The following CYBC1 variants were observed in gnomAD, a reference collection of about 807,000 sequenced individuals.
CYBC1 encodes essential for reactive oxygen species protein.
CYBC1 carries 22 observed loss-of-function variants against 21.7 expected under a neutral mutation model. The observed-to-expected ratio is 1.02, with a 90% CI of 0.73 to 1.45. CYBC1 has a LOEUF of 1.45. Ranked by LOEUF, CYBC1 falls within the 40% of genes most tolerant of loss-of-function variation. CYBC1 has a pLI of 0.00. For missense variants in CYBC1, 237 were observed against 242.1 expected (o/e 0.98, Z 0.14); for synonymous variants, 112 against 98.7 (o/e 1.13, Z -0.80).
chr17:82,447,830 C>G (rs547093284), intron 2 of CYBC1: 1 of 620,622 alleles, frequency 1.6e-6, no homozygotes, highest in South Asian at 1.8e-5. Flanking sequence ...CGTAGTATCA[C>G]ACACTTGTAA....
chr17:82,446,821 T>C, intron 3 of CYBC1, 125 bp from the exon 4 acceptor site: 1 of 934,344 alleles, frequency 1.1e-6, no homozygotes, highest in Non-Finnish European at 1.7e-6. Flanking sequence ...CTGGGCAGCT[T>C]CCTGTGCTGC....
At position 82,442,878 on chromosome 17, in the gene CYBC1, T is replaced by G; in HGVS notation, c.*1126A>C. 5.4e-6 allele frequency: 2 copies of G among 368,310 alleles called. No homozygotes were observed. Among genetic ancestry groups the G allele is most frequent in the Non-Finnish European group, 5.0e-6 (1 of 201,810 alleles). 22.8% of individuals were successfully genotyped at this position (368,310 alleles called of 1,614,324 possible). On this transcript the variant is annotated 3_prime_UTR_variant, in exon 7 of 7. Coordinates refer to ENST00000306645, the MANE Select transcript of CYBC1 (RefSeq NM_001033046.4). The surrounding 1 kb of genome is among the most constrained non-coding windows in gnomAD (Gnocchi z 6.8). ...GGCCAGGGCATCAGGCCAGGCGCGC[T>G]CGGTGCACACCGCACCTGGGAGGAC...
intron 5 of CYBC1, 138 bp from the exon 6 acceptor site, chr17:82,444,729 G>C (rs942520010): frequency 4.3e-6 from 5 of 1,171,664 alleles, no homozygotes; most frequent in Non-Finnish European, 6.0e-6. Context: ...CCTGCCTGAG[G>C]CTGGGCCCCG....
rs1400859881 is a variant in CYBC1, at chr17:82,448,921, T to C, written c.85+249A>G. 5.9e-6 allele frequency: 3 copies of C among 504,542 alleles called. No individual in the cohort carries two copies. In the East Asian group the frequency reaches 1.1e-4, roughly 18 times the overall value. 31.3% of individuals were successfully genotyped at this position (504,542 alleles called of 1,614,324 possible). The stretch of plus-strand genomic sequence containing the variant: ...AAAACAAGTACAAAGGAAAATATGG[T>C]GACCTCAGAAAAGCTCATAGAGTAT... On this transcript the variant is annotated intron_variant, in intron 2 of 6. Transcript: ENST00000306645.
chr17:82,446,655 A>G lies in CYBC1; in HGVS notation c.169T>C (p.Phe57Leu). Residue 57 changes from phenylalanine to leucine, a missense_variant, in exon 4 of 7, where the codon TTT becomes CTT. Transcript: ENST00000306645. ...WKLFYVTGCL[F>L]VAVQNLEDWE... is the part of the protein sequence containing the mutation. ...TCCTCCAAGTTCTGCACAGCCACAA[A>G]CAGGCAGCCTGTGACGTAGAAGAGC... 1.2e-6 allele frequency: 2 copies of G among 1,614,102 alleles called. No individual in the cohort carries two copies. Among genetic ancestry groups the G allele is most frequent in the Non-Finnish European group, 1.7e-6 (2 of 1,180,008 alleles).
At chr17:82,449,695 A>C (rs143628628) in intron 1 of CYBC1, 296 of 163,628 alleles carry the variant, frequency 1.8e-3, no homozygotes, top group Middle Eastern at 0.012. Flanking sequence ...AAAGGAACTG[A>C]AAGTCCCATC....
At position 82,443,704 on chromosome 17, in the gene CYBC1, G is replaced by C. The variant is rs1259900104; in HGVS notation, c.*300C>G. 26 of 773,992 alleles carry C rather than the reference G, an allele frequency of 3.4e-5. No individual in the cohort carries two copies. The Admixed American group carries it at 4.4e-4, about 13-fold the overall frequency. The allele number at this position is 773,992 out of a possible 1,614,324, so 47.9% of individuals were successfully genotyped here. A position where few individuals can be genotyped will look rare whatever the true frequency, so the allele number is the denominator to read the frequency against. ...TCTGGCCTGCTGTTTCATGCAGTGT[G>C]CAAGCAGCAGCATGAGCAGGCAATA... is the stretch of plus-strand genomic sequence containing the variant. On this transcript the variant is annotated 3_prime_UTR_variant, in exon 7 of 7. Coordinates refer to ENST00000306645, the MANE Select transcript of CYBC1 (RefSeq NM_001033046.4). This position sits in a 1 kb window ranked among gnomAD's most constrained non-coding sequence, Gnocchi z 6.7.
At chr17:82,446,538 C>G in intron 4 of CYBC1, 85 bp downstream of exon 4, 51 of 1,322,104 alleles carry the variant, frequency 3.9e-5, no homozygotes, top group Non-Finnish European at 5.2e-5. Flanking sequence ...CCACCCAGGG[C>G]CCTTCCTCCT....
At chr17:82,447,923 C>G in intron 2 of CYBC1, 2 of 544,830 alleles carry the variant, frequency 3.7e-6, no homozygotes, top group South Asian at 4.5e-5. Flanking sequence ...AACGAGACCT[C>G]ATTACTAAAG....
In CYBC1 at chr17:82,444,358, C is replaced by G. The variant is rs1038616725; in HGVS notation, c.443+89G>C. The G allele has an allele frequency of 7.2e-6, 11 of 1,522,826 alleles. No individual in the cohort carries two copies. In the Admixed American group the frequency reaches 1.6e-4, roughly 22 times the overall value. The allele number at this position is 1,522,826 out of a possible 1,614,324, so 94.3% of individuals were successfully genotyped here. A position where few individuals can be genotyped will look rare whatever the true frequency, so the allele number is the denominator to read the frequency against. ...TCCCGTCCACAAACTCATCTCCTCTCCCAGCTGCCCCATAGCTCTGGGCAG... is the reference window on the plus strand; with the variant it reads ...TCCCGTCCACAAACTCATCTCCTCTGCCAGCTGCCCCATAGCTCTGGGCAG... On this transcript the variant is annotated intron_variant, in intron 6 of 6. Coordinates refer to ENST00000306645, the MANE Select transcript of CYBC1 (RefSeq NM_001033046.4).
intron 6 of CYBC1, 67 bp downstream of exon 6, chr17:82,444,380 G>A (rs1567906775): frequency 3.9e-6 from 6 of 1,550,928 alleles, no homozygotes; most frequent in East Asian, 4.5e-5. Flanking sequence ...ATAGCTCTGG[G>A]CAGTCAGGAA....
intron 3 of CYBC1, chr17:82,447,201 A>C (rs1032543655): frequency 2.9e-4 from 97 of 334,090 alleles, no homozygotes; most frequent in Non-Finnish European, 4.3e-4. Flanking sequence ...AAAATACAAA[A>C]AATTAGCCGG....
At chr17:82,446,994 G>A in intron 3 of CYBC1, 1 of 492,562 alleles carries the variant, frequency 2.0e-6, no homozygotes, top group Middle Eastern at 5.4e-4. Flanking sequence ...TCCCACAGCT[G>A]GATCTTAGAT....
At position 82,443,301 on chromosome 17, in the gene CYBC1, CAG is replaced by C. The variant is rs780352962; in HGVS notation, c.*701_*702del. 60 of 382,164 alleles carry C rather than the reference CAG, an allele frequency of 1.6e-4. No homozygotes were observed. The highest frequency in any genetic ancestry group is 2.8e-4 in the Non-Finnish European group (55 of 197,144). 23.7% of individuals were successfully genotyped at this position (382,164 alleles called of 1,614,324 possible). A position where few individuals can be genotyped will look rare whatever the true frequency, so the allele number is the denominator to read the frequency against. On this transcript the variant is annotated 3_prime_UTR_variant, in exon 7 of 7. Transcript: ENST00000306645. The surrounding 1 kb of genome is among the most constrained non-coding windows in gnomAD (Gnocchi z 6.7). The stretch of plus-strand genomic sequence containing the variant: ...TTATGCTGAAGCTGAGTGTGAGGAA[CAG>C]AGAGACCTTTCTGTGACGACCGCTG...
chr17:82,444,874 C>T (rs1473917355), intron 5 of CYBC1: 2 of 436,116 alleles, frequency 4.6e-6, no homozygotes, highest in Non-Finnish European at 8.3e-6. Flanking sequence ...CCGCTCAGCG[C>T]GAGGCCATCT....
intron 4 of CYBC1, 52 bp from the exon 5 acceptor site, chr17:82,446,012 G>C (rs567774366): frequency 1.4e-6 from 2 of 1,472,582 alleles, no homozygotes; most frequent in Non-Finnish European, 1.9e-6. Flanking sequence ...CGGGGGCCCC[G>C]TGGCCGCTGG....
rs1441493509 is a variant in CYBC1, at chr17:82,448,000, T to A, written c.86-379A>T. The A allele has an allele frequency of 4.4e-5, 14 of 319,402 alleles. 1 individual carries two copies. The South Asian group carries it at 4.5e-4, about 10-fold the overall frequency. 19.8% of individuals were successfully genotyped at this position (319,402 alleles called of 1,614,324 possible). On this transcript the variant is annotated intron_variant, in intron 2 of 6. Coordinates refer to ENST00000306645, the MANE Select transcript of CYBC1 (RefSeq NM_001033046.4). ...ACTAGACACATCTGCTGTGTGAGGC[T>A]CCATAACTGACACGGGTGTTACTCC...
chr17:82,445,308 G>A (rs1297276151), intron 5 of CYBC1: 1 of 156,782 alleles, frequency 6.4e-6, no homozygotes, highest in Non-Finnish European at 1.4e-5. Context: ...CAGGCTCAAG[G>A]GTGGGGAGTT....
At chr17:82,447,365 A>C (rs2054366170) in intron 3 of CYBC1, 1 of 582,960 alleles carries the variant, frequency 1.7e-6, no homozygotes, top group East Asian at 3.0e-5. Context: ...AAAAAAAAAA[A>C]AAAGAAGTGA....
Sources: gnomAD v4.1 joint callset for allele counts on GRCh38, gnomAD v4.1.1 for gene constraint, Gnocchi (gnomAD v3.1) non-coding constraint, MANE v1.5 for transcripts, NCBI Gene and HGNC (gene_info 2026-07-23, HGNC 2026-07-21) for gene names.